PAK5: variants seen among roughly 807,000 people sequenced by gnomAD.
PAK5 encodes the protein p21 (RAC1) activated kinase 5.
In PAK5, 16 loss-of-function variants were observed where a neutral mutation model predicts 65.9. That is an observed-to-expected ratio of 0.24 (90% CI 0.16 to 0.37). PAK5 has a LOEUF of 0.37. Among genes scored for constraint, PAK5 ranks in the 10% least tolerant of loss-of-function variants. The pLI, the probability that PAK5 is intolerant of heterozygous loss-of-function variation, is 1.00. For missense variants in PAK5, 785 were observed against 903.9 expected, an observed-to-expected ratio of 0.87 and a Z score of 1.69; for synonymous variants, 371 against 354.9, an observed-to-expected ratio of 1.05 and a Z score of -0.51.
chr20:9,693,262 T>TA (rs2047822196), intron 2 of PAK5, among the ~76,000 whole-genome samples: 1 of 152,160 alleles, frequency 6.6e-6, no homozygotes, highest in African/African-American at 2.4e-5. Flanking sequence ...CTTGATAATC[T>TA]AAGAGTGGGA....
intron 2 of PAK5, among the ~76,000 whole-genome samples, chr20:9,676,368 C>A (rs1481536227): frequency 6.6e-6 from 1 of 152,198 alleles, no homozygotes; most frequent in East Asian, 1.9e-4. Flanking sequence ...AATGTGAATA[C>A]TAAAATATTA....
At chr20:9,572,281 T>A (rs2045802937) in intron 4 of PAK5, among the ~76,000 whole-genome samples, 3 of 152,342 alleles carry the variant, frequency 2.0e-5, no homozygotes, top group Non-Finnish European at 4.4e-5. Flanking sequence ...GCAAACTTTC[T>A]TCTGCGATGA....
chr20:9,581,004 C>A (rs184723315), intron 3 of PAK5, 74 bp from the exon 4 acceptor site: 1 of 1,076,194 alleles, frequency 9.3e-7, no homozygotes, highest in Non-Finnish European at 1.3e-6. Flanking sequence ...ATCCCACCCC[C>A]ACTCCATCCA....
At chr20:9,608,582 T>G (rs1486376647) in intron 3 of PAK5, among the ~76,000 whole-genome samples, 1 of 152,242 alleles carries the variant, frequency 6.6e-6, no homozygotes, top group Admixed American at 6.5e-5. Context: ...AATCTTGTTT[T>G]CAAAATCAGA....
chr20:9,677,045 ATGTG>A (rs4053117), intron 2 of PAK5, among the ~76,000 whole-genome samples: 25,350 of 140,856 alleles, frequency 0.18, 2,258 homozygotes, highest in South Asian at 0.32. Context: ...GGGTATGTGC[ATGTG>A]TGTGTGTGTG....
rs1457162595 is a variant in PAK5, at chr20:9,804,730, T to G, written c.-162+34032A>C. On this transcript the variant is annotated intron_variant, in intron 1 of 9. Transcript: ENST00000353224. ...ATGATAACTTTGGCTTCATCAAAAT[T>G]TAAAACTTTCATGCAAAGGACACTA... Among the ~76,000 whole-genome samples the G allele has an allele frequency of 2.6e-5, 4 of 152,032 alleles. No homozygotes were observed. In the East Asian group the frequency reaches 7.7e-4, roughly 29 times the overall value.
chr20:9,768,946 G>T (rs1030888758), intron 1 of PAK5, among the ~76,000 whole-genome samples: 4 of 151,644 alleles, frequency 2.6e-5, no homozygotes, highest in Non-Finnish European at 5.9e-5. Context: ...AAAAATAAAA[G>T]CCCATAAGTT....
intron 3 of PAK5, among the ~76,000 whole-genome samples, chr20:9,581,714 C>T (rs148904776): frequency 5.8e-4 from 89 of 152,206 alleles, no homozygotes; most frequent in African/African-American, 2.0e-3. Flanking sequence ...ACCTAAATAA[C>T]ACAAGAATAC....
intron 1 of PAK5, among the ~76,000 whole-genome samples, chr20:9,822,377 A>G (rs1197579840): frequency 6.6e-6 from 1 of 152,084 alleles, no homozygotes; most frequent in African/African-American, 2.4e-5. Flanking sequence ...GTTTCATTAC[A>G]AGGTCAGTTG....
At chr20:9,707,137 TTTC>T (rs1433273003) in intron 2 of PAK5, among the ~76,000 whole-genome samples, 4 of 152,078 alleles carry the variant, frequency 2.6e-5, no homozygotes, top group Non-Finnish European at 4.4e-5. Context: ...TTCTTTCTTT[TTTC>T]TTTTCTTTTG....
rs2045193615 is a variant in PAK5, at chr20:9,537,738, T to C, written c.*1724A>G. Reference sequence around the variant, plus strand: ...GATTGTTTTTATTCTCACATATTTATATTAATGCTTTAATATTTTACATAA... The same window carrying C: ...GATTGTTTTTATTCTCACATATTTACATTAATGCTTTAATATTTTACATAA... On this transcript the variant is annotated 3_prime_UTR_variant, in exon 10 of 10. Coordinates refer to ENST00000353224, the MANE Select transcript of PAK5 (RefSeq NM_177990.4). The C allele has an allele frequency of 4.5e-6, 1 of 221,702 alleles. No homozygotes were observed. The highest frequency in any genetic ancestry group is 6.7e-5 in the East Asian group (1 of 14,960). The allele number at this position is 221,702 out of a possible 1,614,324, so 13.7% of individuals were successfully genotyped here. A position where few individuals can be genotyped will look rare whatever the true frequency, so the allele number is the denominator to read the frequency against.
rs569621841 is a variant in PAK5 at position 9,684,795 on chromosome 20, G to A, written c.-12+26491C>T. ...TCTTTTCCAGGAATTCTAATAAATA[G>A]GTAGAAGGTTTTCTTAAGACTAAAA... On this transcript the variant is annotated intron_variant, in intron 2 of 9. Coordinates refer to ENST00000353224, the MANE Select transcript of PAK5 (RefSeq NM_177990.4). Among the ~76,000 whole-genome samples the A allele has an allele frequency of 2.6e-5, 4 of 152,286 alleles. 1 individual carries two copies. Among genetic ancestry groups the A allele is most frequent in the African/African-American group, 9.6e-5 (4 of 41,560 alleles).
chr20:9,659,748 G>A (rs1037959494), intron 2 of PAK5, among the ~76,000 whole-genome samples: 6 of 152,056 alleles, frequency 3.9e-5, no homozygotes, highest in Non-Finnish European at 7.4e-5. Flanking sequence ...GGTTTTGTTT[G>A]TTTCTTTCTT....
chr20:9,817,911 T>G (rs1490900149), intron 1 of PAK5, among the ~76,000 whole-genome samples: 3 of 152,240 alleles, frequency 2.0e-5, no homozygotes, highest in African/African-American at 7.2e-5. Flanking sequence ...AGTGGGACTT[T>G]CTTCATAGGA....
At chr20:9,658,589 A>G (rs1438198873) in intron 2 of PAK5, among the ~76,000 whole-genome samples, 1 of 152,164 alleles carries the variant, frequency 6.6e-6, no homozygotes, top group Non-Finnish European at 1.5e-5. Flanking sequence ...CACATTGCCA[A>G]TGATTGGCTA....
At chr20:9,759,231 A>C (rs1412620355) in intron 1 of PAK5, among the ~76,000 whole-genome samples, 1 of 152,148 alleles carries the variant, frequency 6.6e-6, no homozygotes, top group Non-Finnish European at 1.5e-5. Flanking sequence ...TTTTAATTTT[A>C]CTATCTCTTT....
chr20:9,738,240 T>C (rs1236715054), intron 1 of PAK5, among the ~76,000 whole-genome samples: 1 of 152,124 alleles, frequency 6.6e-6, no homozygotes, highest in Non-Finnish European at 1.5e-5. Context: ...TATAACCCAC[T>C]TTGGAAAACA....
intron 1 of PAK5, among the ~76,000 whole-genome samples, chr20:9,736,111 G>T (rs1345981141): frequency 6.6e-6 from 1 of 151,846 alleles, no homozygotes; most frequent in Admixed American, 6.6e-5. Context: ...ATGTTGGTCA[G>T]CCTGGTCTTG....
chr20:9,552,730 T>TCA (rs2045448451), intron 7 of PAK5, among the ~76,000 whole-genome samples: 1 of 151,786 alleles, frequency 6.6e-6, no homozygotes, highest in Non-Finnish European at 1.5e-5. Context: ...TTTAGTTTTT[T>TCA]TTTTTTTTGG....
Sources: gnomAD v4.1 joint callset for allele counts (sites outside exome capture counted in the v4.1 genomes callset) on GRCh38, gnomAD v4.1.1 for gene constraint, MANE v1.5 for transcripts, NCBI Gene and HGNC (gene_info 2026-07-23, HGNC 2026-07-21) for gene names.